The following FLOT2 variants were observed in gnomAD, a reference collection of about 807,000 sequenced individuals.
FLOT2 encodes flotillin 2.
A neutral mutation model predicts 54.9 loss-of-function variants in FLOT2; 35 were observed. That is an observed-to-expected ratio of 0.64 (90% confidence interval 0.49 to 0.84). FLOT2 has a LOEUF of 0.84. FLOT2 is among the 40% of genes least tolerant of loss of function. The pLI is 0.00. For missense variants in FLOT2, 464 were observed against 572.1 expected (o/e 0.81, Z 1.93); for synonymous variants, 207 against 228.9 (o/e 0.90, Z 0.86).
chr17:28,885,964 G>GGGTGGGGAGA, intron 2 of FLOT2: 1 of 1,520,250 alleles, frequency 6.6e-7, no homozygotes, highest in Non-Finnish European at 8.9e-7. Context: ...AGCAGCCAGG[G>GGGTGGGGAGA]GGTGGGGAGA....
chr17:28,895,558 C>A (rs1432485377), intron 1 of FLOT2, among the ~76,000 whole-genome samples: 1 of 151,970 alleles, frequency 6.6e-6, no homozygotes, highest in Non-Finnish European at 1.5e-5. Context: ...CCACCGTGCC[C>A]GGCCAATAGA....
chr17:28,881,734 TG>T, intron 8 of FLOT2, 79 bp downstream of exon 8: 1 of 1,290,328 alleles, frequency 7.7e-7, no homozygotes, highest in Non-Finnish European at 1.1e-6. Context: ...TTCCAAGCTG[TG>T]GTCAGGAGAG....
intron 1 of FLOT2, among the ~76,000 whole-genome samples, chr17:28,893,594 C>A (rs9889566): frequency 0.01 from 1,549 of 152,204 alleles, 32 homozygotes; most frequent in African/African-American, 0.036. Flanking sequence ...CAGGGTCTCG[C>A]TGAGGGAAGA....
chr17:28,884,273 G>A lies in FLOT2; in HGVS notation c.174C>T (p.Asp58=), dbSNP rs747505161. The change falls in exon 3 of 11, where the codon GAC becomes GAT. Residue 58 remains aspartate (D), a synonymous_variant. Transcript: ENST00000394908. This position sits in a 1 kb window ranked among gnomAD's most constrained non-coding sequence, Gnocchi z 5.1. ...EIMTLQPRCE[D]VETAEGVALT... The stretch of plus-strand genomic sequence containing the variant: ...AAGCTACCCCCTCGGCCGTCTCTAC[G>A]TCCTCGCAGCGGGGCTGCAACGTCA... The A allele has an allele frequency of 1.4e-5, 23 of 1,613,282 alleles. No individual in the cohort carries two copies. In the East Asian group the frequency reaches 2.0e-4, roughly 14 times the overall value.
intron 2 of FLOT2, 141 bp downstream of exon 2, chr17:28,888,804 A>AC: frequency 1.0e-5 from 3 of 299,912 alleles, no homozygotes; most frequent in Non-Finnish European, 2.1e-5. Flanking sequence ...AGTCCCCCCC[A>AC]ACCCCACCCC....
At chr17:28,886,062 G>GGA in intron 2 of FLOT2, 1 of 619,290 alleles carries the variant, frequency 1.6e-6, no homozygotes. Flanking sequence ...TGGGGGCGGG[G>GGA]GGGGGCATGC....
At position 28,882,356 on chromosome 17, in the gene FLOT2, T is replaced by G. The variant is rs2039467795; in HGVS notation, c.560A>C (p.Glu187Ala). 6.2e-7 allele frequency: 1 copy of G among 1,613,904 alleles called. No individual in the cohort carries two copies. Among genetic ancestry groups the G allele is most frequent in the African/African-American group, 1.3e-5 (1 of 74,914 alleles). Reference protein sequence around the residue: ...RDADIGVAEAERDAGIREAEC... With the variant: ...RDADIGVAEAARDAGIREAEC... ...ACATACCCGGATGCCTGCGTCCCGT[T>G]CAGCCTCGGCCACGCCAATGTCAGC... The change falls in exon 6 of 11, where the codon GAA becomes GCA. Residue 187 changes from glutamate to alanine, a missense_variant. Coordinates refer to ENST00000394908, the MANE Select transcript of FLOT2 (RefSeq NM_004475.3). This position sits in a 1 kb window ranked among gnomAD's most constrained non-coding sequence, Gnocchi z 5.6.
intron 1 of FLOT2, among the ~76,000 whole-genome samples, chr17:28,891,867 G>T (rs908727007): frequency 6.6e-6 from 1 of 152,208 alleles, no homozygotes; most frequent in Non-Finnish European, 1.5e-5. Flanking sequence ...CCCCCAGTGG[G>T]GAGGGCTTGA....
Position 28,884,921 on chromosome 17 carries a change from T to C in FLOT2, c.132-606A>G, listed in dbSNP as rs939306016. 1.3e-5 allele frequency among the ~76,000 whole-genome samples: 2 copies of C among 152,124 alleles called. No individual in the cohort carries two copies. Among genetic ancestry groups the C allele is most frequent in the Non-Finnish European group, 2.9e-5 (2 of 68,018 alleles). On this transcript the variant is annotated intron_variant, in intron 2 of 10. Transcript: ENST00000394908. The surrounding 1 kb of genome is among the most constrained non-coding windows in gnomAD (Gnocchi z 5.1). ...CCTTTGACTTGAAACCCATGTCTGG[T>C]ATTAGGCCCAGGTGGGTCACATGGG...
chr17:28,886,545 C>T (rs968442303), intron 2 of FLOT2, among the ~76,000 whole-genome samples: 2 of 152,116 alleles, frequency 1.3e-5, no homozygotes, highest in African/African-American at 2.4e-5. Flanking sequence ...CAGGGATAAC[C>T]GGGAGATAAG....
intron 1 of FLOT2, among the ~76,000 whole-genome samples, chr17:28,893,593 G>A (rs1324186956): frequency 6.6e-6 from 1 of 152,050 alleles, no homozygotes; most frequent in African/African-American, 2.4e-5. Flanking sequence ...ACAGGGTCTC[G>A]CTGAGGGAAG....
At chr17:28,887,061 T>C (rs906104649) in intron 2 of FLOT2, among the ~76,000 whole-genome samples, 2 of 151,844 alleles carry the variant, frequency 1.3e-5, no homozygotes, top group African/African-American at 4.8e-5. Context: ...GAAGGGAGGC[T>C]GCAGCTCAGA....
At position 28,884,808 on chromosome 17, in the gene FLOT2, G is replaced by A. The variant is rs2152647452; in HGVS notation, c.132-493C>T. ...TTGGAAAGCTCTGCCTGATTGCCTG[G>A]CATCCTGGAGTATGCCTACTGCTGG... is the stretch of plus-strand genomic sequence containing the variant. On this transcript the variant is annotated intron_variant, in intron 2 of 10. Transcript: ENST00000394908. The surrounding 1 kb of genome is among the most constrained non-coding windows in gnomAD (Gnocchi z 5.1). 6.6e-6 allele frequency among the ~76,000 whole-genome samples: 1 copy of A among 152,318 alleles called. No homozygotes were observed. The highest frequency in any genetic ancestry group is 2.1e-4 in the South Asian group (1 of 4,824).
chr17:28,882,639 C>A lies in FLOT2; in HGVS notation c.399G>T (p.Leu133=). 2 of 1,613,868 alleles carry A rather than the reference C, an allele frequency of 1.2e-6. No homozygotes were observed. Among genetic ancestry groups the A allele is most frequent in the Non-Finnish European group, 1.7e-6 (2 of 1,179,952 alleles). Residue 133 remains leucine, a synonymous_variant, in exon 5 of 11, where the codon CTG becomes CTT. Transcript: ENST00000394908. The surrounding 1 kb of genome is among the most constrained non-coding windows in gnomAD (Gnocchi z 5.6). ...CATCAGGGGCTGCCACCTCCCGCACCAGCTTGGCAAACTGGTCCCGGTCCT... is the reference window on the plus strand; with the variant it reads ...CATCAGGGGCTGCCACCTCCCGCACAAGCTTGGCAAACTGGTCCCGGTCCT... ...IYQDRDQFAK[L]VREVAAPDVG... is the part of the protein sequence containing the mutation.
rs770539405 is a variant in FLOT2 at position 28,882,352 on chromosome 17, C to T, written c.564G>A (p.Arg188=). 162 of 1,613,990 alleles carry T rather than the reference C, an allele frequency of 1.0e-4. No homozygotes were observed. The highest frequency in any genetic ancestry group is 1.3e-4 in the Non-Finnish European group (159 of 1,180,030). ...ACCCACATACCCGGATGCCTGCGTC[C>T]CGTTCAGCCTCGGCCACGCCAATGT... ...DADIGVAEAE[R]DAGIREAECK... is the part of the protein sequence containing the mutation. The change falls in exon 6 of 11, where the codon CGG becomes CGA. Residue 188 remains arginine (R), a synonymous_variant. Coordinates refer to ENST00000394908, the MANE Select transcript of FLOT2 (RefSeq NM_004475.3). This position sits in a 1 kb window ranked among gnomAD's most constrained non-coding sequence, Gnocchi z 5.6.
intron 2 of FLOT2, among the ~76,000 whole-genome samples, chr17:28,886,765 C>T (rs374330304): frequency 5.3e-4 from 81 of 152,130 alleles, no homozygotes; most frequent in African/African-American, 1.8e-3. Context: ...GGACAGAGGC[C>T]GAGGGTGAAG....
At chr17:28,885,948 C>G (rs2039534611) in intron 2 of FLOT2, 1 of 1,546,348 alleles carries the variant, frequency 6.5e-7, no homozygotes, top group African/African-American at 1.4e-5. Context: ...CAGAGACAGT[C>G]TGAGGAGCAG....
chr17:28,894,991 A>C (rs542830029), intron 1 of FLOT2, among the ~76,000 whole-genome samples: 1 of 144,878 alleles, frequency 6.9e-6, no homozygotes, highest in African/African-American at 2.6e-5. Context: ...GGCTCAATGC[A>C]TCCTCTGCCT....
chr17:28,882,505 T>G lies in FLOT2; in HGVS notation c.466-55A>C, dbSNP rs1362415784. The G allele has an allele frequency of 6.3e-7, 1 of 1,591,680 alleles. No homozygotes were observed. Among genetic ancestry groups the G allele is most frequent in the Non-Finnish European group, 8.6e-7 (1 of 1,160,000 alleles). On this transcript the variant is annotated intron_variant, in intron 5 of 10. Transcript: ENST00000394908. This position sits in a 1 kb window ranked among gnomAD's most constrained non-coding sequence, Gnocchi z 5.6. ...AAAGGAGCAGCCAGAGGCACAAAGG[T>G]GCCCCTCTAACAAAGCCACCATCTC...
Sources: allele counts gnomAD v4.1 joint callset (sites outside exome capture counted in the v4.1 genomes callset), GRCh38; gene constraint gnomAD v4.1.1; non-coding constraint Gnocchi (gnomAD v3.1); transcripts MANE v1.5; gene names NCBI Gene and HGNC (gene_info 2026-07-23, HGNC 2026-07-21).